The following NBAS variants were observed in gnomAD, a reference collection of about 807,000 sequenced individuals.
NBAS encodes the protein NBAS subunit of NRZ tethering complex.
A neutral mutation model predicts 302.5 loss-of-function variants in NBAS; 219 were observed. That is an observed-to-expected ratio of 0.72 (90% CI 0.65 to 0.81). The LOEUF (loss-of-function observed/expected upper bound fraction) is 0.81, where lower values mean the gene tolerates loss of function less well. Ranked by LOEUF, NBAS falls within the 30% of genes least tolerant of loss-of-function variation. The pLI is 0.00. For missense variants in NBAS, 2,932 were observed against 2,841.6 expected, an observed-to-expected ratio of 1.03 and a Z score of -0.72; for synonymous variants, 1,118 against 1,021.6, an observed-to-expected ratio of 1.09 and a Z score of -1.80.
the NBAS span, among the ~76,000 whole-genome samples, chr2:15,130,113 A>G: frequency 6.6e-6 from 1 of 152,138 alleles, no homozygotes; most frequent in African/African-American, 2.4e-5. Context: ...AGATTTGCCT[A>G]TTCTGGACAT....
intron 21 of NBAS, among the ~76,000 whole-genome samples, chr2:15,444,644 A>C (rs1678625042): frequency 6.6e-6 from 1 of 152,190 alleles, no homozygotes; most frequent in Non-Finnish European, 1.5e-5. Flanking sequence ...AAAAGCCAAA[A>C]TTGACAAATA....
At chr2:15,344,889 A>G (rs940919758) in intron 35 of NBAS, among the ~76,000 whole-genome samples, 1 of 152,220 alleles carries the variant, frequency 6.6e-6, no homozygotes, top group Admixed American at 6.5e-5. Context: ...TCCATCACAT[A>G]AACAGAACCA....
chr2:14,797,111 A>C, the NBAS span, among the ~76,000 whole-genome samples: 3 of 149,604 alleles, frequency 2.0e-5, no homozygotes, highest in Admixed American at 2.0e-4. Flanking sequence ...AAAAAAAAAA[A>C]AAACCAAAAA....
intron 48 of NBAS, among the ~76,000 whole-genome samples, chr2:15,204,342 T>C (rs1194501945): frequency 6.6e-6 from 1 of 152,114 alleles, no homozygotes; most frequent in Non-Finnish European, 1.5e-5. Context: ...CTCAAAAATA[T>C]TGTACTCTAC....
rs1289090114 is a variant in NBAS at position 15,236,795 on chromosome 2, T to C, written c.5943+1673A>G. On this transcript the variant is annotated intron_variant, in intron 45 of 51. Transcript: ENST00000281513. Reference sequence around the variant, plus strand: ...ATCAAGATTGGTAAAGCCAATTTGTTTCCTGCAAAGCCTTCTATATTGTTC... The same window carrying C: ...ATCAAGATTGGTAAAGCCAATTTGTCTCCTGCAAAGCCTTCTATATTGTTC... 2.0e-5 allele frequency among the ~76,000 whole-genome samples: 3 copies of C among 152,106 alleles called. 1 individual carries two copies. Among genetic ancestry groups the C allele is most frequent in the African/African-American group, 7.2e-5 (3 of 41,428 alleles).
intron 51 of NBAS, chr2:15,178,053 C>T: frequency 2.4e-6 from 1 of 424,602 alleles, no homozygotes. Context: ...ATTAAGAAAA[C>T]TTTATATCAG....
chr2:15,435,141 A>G (rs1305584451), intron 21 of NBAS, among the ~76,000 whole-genome samples: 1 of 152,260 alleles, frequency 6.6e-6, no homozygotes, highest in Non-Finnish European at 1.5e-5. Context: ...ATCAGTGTTC[A>G]TTATAAAAAA....
the NBAS span, among the ~76,000 whole-genome samples, chr2:15,062,427 T>C: frequency 0.013 from 2,053 of 152,280 alleles, 40 homozygotes; most frequent in African/African-American, 0.047. Flanking sequence ...CCCATGTCAG[T>C]ATCTAACCCA....
At chr2:15,299,090 T>C (rs1448202394) in intron 40 of NBAS, among the ~76,000 whole-genome samples, 2 of 152,202 alleles carry the variant, frequency 1.3e-5, no homozygotes, top group Admixed American at 6.5e-5. Flanking sequence ...CGCATGGGTA[T>C]GAAAGCTTTT....
At chr2:14,936,623 C>A in the NBAS span, among the ~76,000 whole-genome samples, 2 of 152,214 alleles carry the variant, frequency 1.3e-5, no homozygotes, top group African/African-American at 4.8e-5. Flanking sequence ...TGGCCACAAC[C>A]TGATAAGGGT....
intron 21 of NBAS, among the ~76,000 whole-genome samples, chr2:15,447,616 G>C (rs149100958): frequency 2.0e-5 from 3 of 152,162 alleles, no homozygotes; most frequent in Admixed American, 1.3e-4. Context: ...TCATTTTCCC[G>C]TATCCATAAT....
chr2:15,047,702 A>AAGGCTGGGCCCGTGCAAGTGC, the NBAS span, among the ~76,000 whole-genome samples: 3 of 152,216 alleles, frequency 2.0e-5, no homozygotes, highest in Admixed American at 2.0e-4. Context: ...TATACAGGTA[A>AAGGCTGGGCCCGTGCAAGTGC]AGGCTGGGCC....
At chr2:14,795,055 A>G in the NBAS span, among the ~76,000 whole-genome samples, 26 of 152,172 alleles carry the variant, frequency 1.7e-4, no homozygotes, top group African/African-American at 4.8e-5. Flanking sequence ...TAAAGTTGCT[A>G]TGAATATTTG....
chr2:14,977,908 C>A, the NBAS span, among the ~76,000 whole-genome samples: 31 of 152,080 alleles, frequency 2.0e-4, no homozygotes, highest in East Asian at 5.8e-3. Context: ...AAAAAGAAAA[C>A]CATCAAGTTG....
chr2:15,111,921 T>C, the NBAS span, among the ~76,000 whole-genome samples: 1 of 147,642 alleles, frequency 6.8e-6, no homozygotes, highest in Admixed American at 6.8e-5. Context: ...AATTAAATAT[T>C]AATATATTAA....
the NBAS span, among the ~76,000 whole-genome samples, chr2:15,136,211 T>C: frequency 3.3e-5 from 5 of 152,238 alleles, no homozygotes; most frequent in East Asian, 3.8e-4. Context: ...AGCTCAGGCA[T>C]ATCCTCTTAT....
At chr2:15,289,229 C>G (rs1476459156) in intron 41 of NBAS, among the ~76,000 whole-genome samples, 6 of 152,106 alleles carry the variant, frequency 3.9e-5, no homozygotes, top group Non-Finnish European at 8.8e-5. Context: ...GCTGGGACTT[C>G]AGGAAAACAC....
the NBAS span, among the ~76,000 whole-genome samples, chr2:15,013,339 C>T: frequency 6.6e-6 from 1 of 151,966 alleles, no homozygotes; most frequent in Non-Finnish European, 1.5e-5. Flanking sequence ...TATAGAAAAC[C>T]ATCCAACCAC....
At chr2:15,107,180 T>C in the NBAS span, among the ~76,000 whole-genome samples, 1 of 152,192 alleles carries the variant, frequency 6.6e-6, no homozygotes, top group East Asian at 1.9e-4. Flanking sequence ...AGGGGTAGGA[T>C]CTTACTCCAA....
Sources: gnomAD v4.1 joint callset for allele counts (sites outside exome capture counted in the v4.1 genomes callset) on GRCh38, gnomAD v4.1.1 for gene constraint, MANE v1.5 for transcripts, NCBI Gene and HGNC (gene_info 2026-07-23, HGNC 2026-07-21) for gene names.